The following ZNF808 variants were observed in gnomAD, a reference collection of about 807,000 sequenced individuals.
ZNF808 encodes the protein zinc finger protein 808.
In ZNF808, 5 loss-of-function variants were observed where a neutral mutation model predicts 8.7. That is an observed-to-expected ratio of 0.58 (90% CI 0.30 to 1.21). ZNF808 has a LOEUF of 1.21. ZNF808 is among the 50% of genes most tolerant of loss of function. ZNF808 has a pLI of 0.07. For synonymous variants in ZNF808, 380 were observed against 366.0 expected (o/e 1.04, Z -0.44); for missense variants, 1,103 against 1,098.4 (o/e 1.00, Z -0.06).
intron 1 of ZNF808, among the ~76,000 whole-genome samples, chr19:52,530,271 G>A (rs1444779054): frequency 1.3e-5 from 2 of 152,076 alleles, no homozygotes; most frequent in Non-Finnish European, 2.9e-5. Context: ...TGTTGGTCCA[G>A]GCTGGTCTTT....
intron 3 of ZNF808, among the ~76,000 whole-genome samples, chr19:52,561,851 C>G (rs2123228045): frequency 6.6e-6 from 1 of 152,210 alleles, no homozygotes; most frequent in Admixed American, 6.5e-5. Context: ...CTGGCTGCCT[C>G]CAGGGTTTTA....
Position 52,555,220 on chromosome 19 carries a change from T to C in ZNF808, c.2304T>C (p.Cys768=), listed in dbSNP as rs2059823880. The change falls in exon 5 of 5, where the codon TGT becomes TGC. Residue 768 remains cysteine, a synonymous_variant. Transcript: ENST00000359798. ...SGEKPYKCND[C]GNTFRHWSSL... is the part of the protein sequence containing the mutation. ...AGAAACCTTACAAGTGTAACGACTG[T>C]GGCAATACCTTCCGTCACTGGTCAT... 1 of 1,613,950 alleles carries C rather than the reference T, an allele frequency of 6.2e-7. No individual in the cohort carries two copies.
intron 3 of ZNF808, 141 bp from the exon 4 acceptor site, chr19:52,547,371 A>G: frequency 6.6e-7 from 1 of 1,505,668 alleles, no homozygotes; most frequent in East Asian, 2.3e-5. Context: ...TACGGAAAAA[A>G]TAGTCAAAAA....
At position 52,553,770 on chromosome 19, in the gene ZNF808, A is replaced by T. The variant is rs748542778; in HGVS notation, c.854A>T (p.Lys285Ile). 6.2e-7 allele frequency: 1 copy of T among 1,614,032 alleles called. No individual in the cohort carries two copies. The highest frequency in any genetic ancestry group is 1.3e-5 in the African/African-American group (1 of 74,932). Reference sequence around the variant, plus strand: ...CATCGTAGATGTCACACTGGAGAGAAACCTTACAAGTGTAAAGAGTGTGGA... The same window carrying T: ...CATCGTAGATGTCACACTGGAGAGATACCTTACAAGTGTAAAGAGTGTGGA... ...ACHRRCHTGE[K>I]PYKCKECGKS... Residue 285 changes from lysine (K) to isoleucine (I), a missense_variant, in exon 5 of 5, where the codon AAA becomes ATA. Transcript: ENST00000359798.
chr19:52,561,443 A>G (rs891029774), intron 3 of ZNF808, among the ~76,000 whole-genome samples: 14 of 151,978 alleles, frequency 9.2e-5, no homozygotes, highest in Non-Finnish European at 2.1e-4. Flanking sequence ...CTTCAGGCCC[A>G]TGATCAAGTT....
At chr19:52,551,835 T>A (rs548564576) in intron 4 of ZNF808, among the ~76,000 whole-genome samples, 2 of 151,958 alleles carry the variant, frequency 1.3e-5, no homozygotes, top group Admixed American at 1.3e-4. Flanking sequence ...AAACCACATC[T>A]CTACTAAAAA....
chr19:52,537,393 T>C (rs1309711271), intron 2 of ZNF808, among the ~76,000 whole-genome samples: 1 of 150,968 alleles, frequency 6.6e-6, no homozygotes. Flanking sequence ...AGCACAGTAA[T>C]GAAGAAAGAG....
downstream of ZNF808, among the ~76,000 whole-genome samples, chr19:52,568,568 G>A (rs540708334): frequency 6.6e-6 from 1 of 152,068 alleles, no homozygotes; most frequent in African/African-American, 2.4e-5. Flanking sequence ...TCAAGCTGCC[G>A]CAGCCTATGC....
intron 4 of ZNF808, among the ~76,000 whole-genome samples, chr19:52,552,411 CTTT>C (rs777720809): frequency 1.4e-5 from 2 of 141,784 alleles, no homozygotes; most frequent in African/African-American, 2.6e-5. Flanking sequence ...TAACTTTTTT[CTTT>C]TTTTTTTTTT....
At chr19:52,533,809 C>A (rs543628050) in intron 2 of ZNF808, among the ~76,000 whole-genome samples, 1 of 119,582 alleles carries the variant, frequency 8.4e-6, no homozygotes. Flanking sequence ...TGCCACTGCA[C>A]TGTAGCCTGG....
chr19:52,563,740 G>A (rs976918842), exon 4 of ZNF808: 1 of 155,004 alleles, frequency 6.5e-6, no homozygotes, highest in Non-Finnish European at 1.4e-5. Flanking sequence ...AGTTAATCTT[G>A]TTCGTGCTGC....
chr19:52,554,906 T>C lies in ZNF808; in HGVS notation c.1990T>C (p.Ser664Pro), dbSNP rs1361207821. 3.1e-6 allele frequency: 5 copies of C among 1,614,174 alleles called. No individual in the cohort carries two copies. In the South Asian group the frequency reaches 4.4e-5, roughly 14 times the overall value. ...GTGTGGGAAGACCTTCAGTTACAAG[T>C]CATCACTTGTATGGCATCGTAGACT... Reference protein sequence around the residue: ...NECGKTFSYKSSLVWHRRLHG... With the variant: ...NECGKTFSYKPSLVWHRRLHG... The change falls in exon 5 of 5, where the codon TCA (serine) becomes CCA (proline). Residue 664 changes from serine to proline, a missense_variant. Coordinates refer to ENST00000359798, the MANE Select transcript of ZNF808 (RefSeq NM_001039886.4).
chr19:52,564,019 A>G (rs561372500), exon 4 of ZNF808: 8 of 503,378 alleles, frequency 1.6e-5, no homozygotes, highest in Admixed American at 3.3e-5. Context: ...AAAAAGGTCT[A>G]GCCCCCTCTC....
rs748656521 is a variant in ZNF808 at position 52,556,146 on chromosome 19, T to C, written c.*518T>C. ...ACTTAACATTGAGTTCAAGCCTTAATTGACATTCAAGTGTTTATGTTAAGA... is the reference window on the plus strand; with the variant it reads ...ACTTAACATTGAGTTCAAGCCTTAACTGACATTCAAGTGTTTATGTTAAGA... On this transcript the variant is annotated 3_prime_UTR_variant, in exon 5 of 5. Coordinates refer to ENST00000359798, the MANE Select transcript of ZNF808 (RefSeq NM_001039886.4). The C allele has an allele frequency of 1.1e-5, 4 of 377,816 alleles. No individual in the cohort carries two copies. Among genetic ancestry groups the C allele is most frequent in the Non-Finnish European group, 2.1e-5 (4 of 187,600 alleles). The allele number at this position is 377,816 out of a possible 1,614,324, so 23.4% of individuals were successfully genotyped here. A position where few individuals can be genotyped will look rare whatever the true frequency, so the allele number is the denominator to read the frequency against.
At chr19:52,563,987 C>A (rs758370536) in exon 4 of ZNF808, 4 of 401,480 alleles carry the variant, frequency 1.0e-5, no homozygotes, top group African/African-American at 2.2e-5. Flanking sequence ...CAAGAGCAAA[C>A]CTCTGTCTAA....
downstream of ZNF808, among the ~76,000 whole-genome samples, chr19:52,566,754 AACAT>A (rs2059873898): frequency 6.6e-6 from 1 of 152,134 alleles, no homozygotes; most frequent in Non-Finnish European, 1.5e-5. Flanking sequence ...TAAAACTAGC[AACAT>A]ACATTCCTTA....
intron 4 of ZNF808, among the ~76,000 whole-genome samples, chr19:52,551,468 A>C (rs536617356): frequency 2.7e-4 from 41 of 152,150 alleles, no homozygotes; most frequent in African/African-American, 8.7e-4. Flanking sequence ...GACCTCATAC[A>C]TCAGAAGGTA....
intron 4 of ZNF808, among the ~76,000 whole-genome samples, chr19:52,551,036 CAT>C (rs1182478333): frequency 6.6e-6 from 1 of 151,924 alleles, no homozygotes; most frequent in Non-Finnish European, 1.5e-5. Flanking sequence ...GTCAGGCAAA[CAT>C]AATGAAACCT....
rs746905377 is a variant in ZNF808, at chr19:52,554,854, T to C, written c.1938T>C (p.Thr646=). Residue 646 remains threonine, a synonymous_variant, in exon 5 of 5, where the codon ACT becomes ACC. Coordinates refer to ENST00000359798, the MANE Select transcript of ZNF808 (RefSeq NM_001039886.4). ...SQLARHTRIH[T]GEKTYKCNEC... ...TGGCACGACATACAAGAATTCACAC[T>C]GGAGAAAAAACTTACAAGTGTAATG... The C allele has an allele frequency of 3.7e-6, 6 of 1,614,184 alleles. No homozygotes were observed. The highest frequency in any genetic ancestry group is 5.1e-6 in the Non-Finnish European group (6 of 1,180,028).
Sources: allele counts gnomAD v4.1 joint callset (sites outside exome capture counted in the v4.1 genomes callset), GRCh38; gene constraint gnomAD v4.1.1; transcripts MANE v1.5; gene names NCBI Gene and HGNC (gene_info 2026-07-23, HGNC 2026-07-21).